RHBDF1: variants seen among roughly 807,000 people sequenced by gnomAD.
The protein encoded by RHBDF1 is rhomboid 5 homolog 1.
RHBDF1 carries 80 observed loss-of-function variants against 98.6 expected under a neutral mutation model. That is an observed-to-expected ratio of 0.81 (90% CI 0.68 to 0.98). RHBDF1 has a LOEUF of 0.98. Among genes scored for constraint, RHBDF1 ranks in the 50% least tolerant of loss-of-function variants. RHBDF1 has a pLI of 0.00. For missense variants in RHBDF1, 1,116 were observed against 1,198.3 expected (o/e 0.93, Z 1.01); for synonymous variants, 512 against 486.8 (o/e 1.05, Z -0.68).
At position 59,317 on chromosome 16, in the gene RHBDF1, C is replaced by T. The variant is rs1897512455; in HGVS notation, c.1926G>A (p.Leu642=). Residue 642 remains leucine, a synonymous_variant, in exon 16 of 18, where the codon CTG becomes CTA. Coordinates refer to ENST00000262316, the MANE Select transcript of RHBDF1 (RefSeq NM_022450.5). ...VHCMDDVCGL[L]PFLNPEVPDQ... ...CAGGCACCTCGGGGTTGAGAAAAGG[C>T]AGGAGCCCACACACATCATCCATGC... 2.5e-6 allele frequency: 4 copies of T among 1,611,186 alleles called. No homozygotes were observed. The highest frequency in any genetic ancestry group is 3.4e-6 in the Non-Finnish European group (4 of 1,178,448).
upstream of RHBDF1, among the ~76,000 whole-genome samples, chr16:75,324 A>G (rs551875783): frequency 1.3e-4 from 20 of 152,312 alleles, no homozygotes; most frequent in South Asian, 3.9e-3. Flanking sequence ...CTGACCAGTA[A>G]GAGGAGTGTT....
intron 1 of RHBDF1, among the ~76,000 whole-genome samples, chr16:67,281 C>A (rs1273470352): frequency 2.0e-5 from 3 of 152,174 alleles, no homozygotes; most frequent in African/African-American, 7.2e-5. Flanking sequence ...AGAAAATGGA[C>A]GAATGCTCTT....
Position 64,206 on chromosome 16 carries a change from C to T in RHBDF1, c.249-406G>A, listed in dbSNP as rs1027178333. The stretch of plus-strand genomic sequence containing the variant: ...TGTCCACAGCACTTGGACATGCAAA[C>T]AAAAACACTGCCAGCACCTGCCGTT... On this transcript the variant is annotated intron_variant, in intron 3 of 17. Transcript: ENST00000262316. 83 of 1,305,888 alleles carry T rather than the reference C, an allele frequency of 6.4e-5. No homozygotes were observed. The African/African-American group carries it at 1.1e-3, about 17-fold the overall frequency. 80.9% of individuals were successfully genotyped at this position (1,305,888 alleles called of 1,614,324 possible).
Position 58,129 on chromosome 16 carries a change from T to G in RHBDF1, c.*211A>C. The G allele has an allele frequency of 1.9e-6, 1 of 532,736 alleles. No homozygotes were observed. Among genetic ancestry groups the G allele is most frequent in the South Asian group, 2.7e-5 (1 of 37,022 alleles). The allele number at this position is 532,736 out of a possible 1,614,324, so 33.0% of individuals were successfully genotyped here. Reference sequence around the variant, plus strand: ...CATGAGGTGGTCGTCAAGAAACAAGTTAGAAGGTTATGACAGGAAGTAGTA... The same window carrying G: ...CATGAGGTGGTCGTCAAGAAACAAGGTAGAAGGTTATGACAGGAAGTAGTA... On this transcript the variant is annotated 3_prime_UTR_variant, in exon 18 of 18. Coordinates refer to ENST00000262316, the MANE Select transcript of RHBDF1 (RefSeq NM_022450.5).
At chr16:58,939 C>A (rs1239497131) in intron 17 of RHBDF1, 35 bp downstream of exon 17, 2 of 1,608,656 alleles carry the variant, frequency 1.2e-6, no homozygotes, top group Non-Finnish European at 1.7e-6. Context: ...TGCAGGTGCA[C>A]ACGGGAGGAT....
At chr16:70,319 G>A (rs1305166912) in intron 1 of RHBDF1, among the ~76,000 whole-genome samples, 1 of 152,180 alleles carries the variant, frequency 6.6e-6, no homozygotes, top group African/African-American at 2.4e-5. Flanking sequence ...GCTGCAGGTG[G>A]GAGAGGCCCA....
At chr16:72,716 C>T (rs1898011790), upstream of RHBDF1, 1 of 983,780 alleles carries the variant, frequency 1.0e-6, no homozygotes, top group Admixed American at 6.2e-5. Context: ...ATGCGCGCCG[C>T]CCGCCTGCCC....
At chr16:72,285 G>A (rs1897993155) in intron 1 of RHBDF1, among the ~76,000 whole-genome samples, 1 of 152,080 alleles carries the variant, frequency 6.6e-6, no homozygotes, top group Non-Finnish European at 1.5e-5. Context: ...AGGAATCCGG[G>A]GCTGGGCCGC....
In RHBDF1 at chr16:62,014, G is replaced by A. The variant is rs777679119; in HGVS notation, c.992C>T (p.Ala331Val). 5.9e-6 allele frequency: 9 copies of A among 1,537,072 alleles called. No individual in the cohort carries two copies. The highest frequency in any genetic ancestry group is 7.8e-6 in the Non-Finnish European group (9 of 1,147,932). ...CCGCACCTTGGGCTGCGGGGCTGCG[G>A]CGCCCTCCTTCTGCTTCCGCCAGCC... ...ERGWRKQKEGAAAPQPKVRLR... is the reference protein window; with the variant it reads ...ERGWRKQKEGVAAPQPKVRLR... Residue 331 changes from alanine (A) to valine (V), a missense_variant, in exon 8 of 18, where the codon GCC becomes GTC. Coordinates refer to ENST00000262316, the MANE Select transcript of RHBDF1 (RefSeq NM_022450.5).
rs143220179 is a variant in RHBDF1 at position 62,637 on chromosome 16, G to C, written c.854C>G (p.Ser285Trp). 5 of 1,614,060 alleles carry C rather than the reference G, an allele frequency of 3.1e-6. No homozygotes were observed. The highest frequency in any genetic ancestry group is 3.4e-6 in the Non-Finnish European group (4 of 1,180,034). Residue 285 changes from serine (S) to tryptophan (W), a missense_variant, in exon 7 of 18, where the codon TCG becomes TGG. Physicochemically the swap from Ser to Trp is radical, Grantham distance 177 (BLOSUM62 -3). Coordinates refer to ENST00000262316, the MANE Select transcript of RHBDF1 (RefSeq NM_022450.5). ...TYPDEVFESP[S>W]EAALKDWEKA... The stretch of plus-strand genomic sequence containing the variant: ...CTCCCAGTCCTTTAGCGCTGCCTCC[G>C]ATGGGGACTCGAAAACTTCATCCGG...
chr16:72,366 TCCCCGG>T (rs537801354), intron 1 of RHBDF1, 141 bp downstream of exon 1: 10 of 256,094 alleles, frequency 3.9e-5, no homozygotes, highest in Admixed American at 6.5e-5. Flanking sequence ...CCGCGACCCC[TCCCCGG>T]CCCCGGCCCC....
intron 1 of RHBDF1, among the ~76,000 whole-genome samples, chr16:69,814 T>C (rs1055989827): frequency 7.2e-5 from 11 of 152,178 alleles, no homozygotes; most frequent in Non-Finnish European, 1.3e-4. Flanking sequence ...CTGAGACCTT[T>C]GCAGGGTTCT....
chr16:69,006 G>A (rs1436759978), intron 1 of RHBDF1, among the ~76,000 whole-genome samples: 1 of 152,184 alleles, frequency 6.6e-6, no homozygotes, highest in Admixed American at 6.5e-5. Context: ...AGGGGTCACA[G>A]CAGTGCCTGG....
Position 61,153 on chromosome 16 carries a change from C to G in RHBDF1, c.1524G>C (p.Ser508=). 6.5e-7 allele frequency: 1 copy of G among 1,538,056 alleles called. No homozygotes were observed. The highest frequency in any genetic ancestry group is 8.7e-7 in the Non-Finnish European group (1 of 1,144,818). ...CCTCCTCCGAGGTCTGCACGCAGCC[C>G]GACCTGTCGTTGCGCACGCAGCAGG... ...HSACCVRNDR[S]GCVQTSEEEC... is the part of the protein sequence containing the mutation. The change falls in exon 11 of 18, where the codon TCG becomes TCC. Residue 508 remains serine, a synonymous_variant. Transcript: ENST00000262316.
chr16:67,939 G>A (rs1198263763), intron 1 of RHBDF1, among the ~76,000 whole-genome samples: 1 of 152,124 alleles, frequency 6.6e-6, no homozygotes, highest in African/African-American at 2.4e-5. Context: ...CTGTGAGCGT[G>A]TACGGGGAAC....
chr16:59,691 GAGCCC>G (rs775518463), intron 14 of RHBDF1, 36 bp downstream of exon 14: 1 of 1,608,550 alleles, frequency 6.2e-7, no homozygotes, highest in South Asian at 1.1e-5. Flanking sequence ...GCGATGCTCT[GAGCCC>G]AGAGACCAGC....
rs769112634 is a variant in RHBDF1 at position 63,644 on chromosome 16, G to A, written c.405C>T (p.Thr135=). The A allele has an allele frequency of 6.2e-7, 1 of 1,605,980 alleles. No individual in the cohort carries two copies. The highest frequency in any genetic ancestry group is 1.1e-5 in the South Asian group (1 of 90,516). The change falls in exon 4 of 18, where the codon ACC becomes ACT. Residue 135 remains threonine (T), a synonymous_variant. Transcript: ENST00000262316. ...AGAGTGGGGGTGGCGTCTCGGTGCT[G>A]GTCAGCGACACGTTGTCCTGGCTGG... is the stretch of plus-strand genomic sequence containing the variant. ...DLPSQDNVSL[T]STETPPPLYV... is the part of the protein sequence containing the mutation.
In RHBDF1 at chr16:72,563, G is replaced by C. The variant is rs1259763964; in HGVS notation, c.-75C>G. 2.2e-6 allele frequency: 2 copies of C among 916,770 alleles called. No individual in the cohort carries two copies. The highest frequency in any genetic ancestry group is 2.5e-6 in the Non-Finnish European group (2 of 802,984). The allele number at this position is 916,770 out of a possible 1,614,324, so 56.8% of individuals were successfully genotyped here. A position where few individuals can be genotyped will look rare whatever the true frequency, so the allele number is the denominator to read the frequency against. Reference sequence around the variant, plus strand: ...TCCTGAGGGCGCCGGGGAGGAGGCTGCCGCCGCTGGCCGGGAGGGCCCGCG... The same window carrying C: ...TCCTGAGGGCGCCGGGGAGGAGGCTCCCGCCGCTGGCCGGGAGGGCCCGCG... On this transcript the variant is annotated 5_prime_UTR_variant, in exon 1 of 18. Coordinates refer to ENST00000262316, the MANE Select transcript of RHBDF1 (RefSeq NM_022450.5).
At chr16:62,187 G>T in intron 7 of RHBDF1, 135 bp from the exon 8 acceptor site, 1 of 1,291,364 alleles carries the variant, frequency 7.7e-7, no homozygotes, top group Non-Finnish European at 1.0e-6. Flanking sequence ...CCTTCTCCTT[G>T]CCAGTAAAAA....
Sources: allele counts gnomAD v4.1 joint callset (sites outside exome capture counted in the v4.1 genomes callset), GRCh38; gene constraint gnomAD v4.1.1; transcripts MANE v1.5; gene names NCBI Gene and HGNC (gene_info 2026-07-23, HGNC 2026-07-21).